DCLK2: variants seen among roughly 807,000 people sequenced by gnomAD.
DCLK2 encodes the protein doublecortin like kinase 2, also known as serine/threonine-protein kinase DCLK2.
DCLK2 carries 31 observed loss-of-function variants against 78.4 expected under a neutral mutation model. The ratio of observed to expected loss-of-function variants is 0.40; its 90% CI spans 0.30 to 0.53. The LOEUF is 0.53. Among genes scored for constraint, DCLK2 ranks in the 20% least tolerant of loss-of-function variants. The pLI is 0.61. For missense variants in DCLK2, 872 were observed against 973.7 expected (o/e 0.90, Z 1.39); for synonymous variants, 407 against 374.9 (o/e 1.09, Z -0.99).
Position 150,102,674 on chromosome 4 carries a change from G to A in DCLK2, c.618G>A (p.Val206=). Residue 206 remains valine (V), a synonymous_variant, in exon 2 of 16, where the codon GTG becomes GTA. Coordinates refer to ENST00000296550, the MANE Select transcript of DCLK2 (RefSeq NM_001040260.4). ...PKLVTVIRSG[V]KPRKAVRILL... is the part of the protein sequence containing the mutation. The stretch of plus-strand genomic sequence containing the variant: ...TAGTGACTGTGATTCGAAGTGGAGT[G>A]AAGCCTAGAAAAGCCGTGCGGATCC... The A allele has an allele frequency of 1.9e-6, 3 of 1,614,108 alleles. No homozygotes were observed. The highest frequency in any genetic ancestry group is 2.5e-6 in the Non-Finnish European group (3 of 1,180,014).
At chr4:150,149,446 A>G (rs1432957349) in intron 2 of DCLK2, among the ~76,000 whole-genome samples, 7 of 152,164 alleles carry the variant, frequency 4.6e-5, no homozygotes, top group Non-Finnish European at 8.8e-5. Context: ...AAAGTAGTCT[A>G]TGAGTCCTGG....
intron 5 of DCLK2, among the ~76,000 whole-genome samples, chr4:150,212,790 T>C (rs1347200175): frequency 6.6e-6 from 1 of 152,222 alleles, no homozygotes; most frequent in African/African-American, 2.4e-5. Flanking sequence ...AAGAATTTCA[T>C]TTGAATACAA....
At chr4:150,246,754 C>G (rs866017210) in intron 12 of DCLK2, among the ~76,000 whole-genome samples, 3 of 152,120 alleles carry the variant, frequency 2.0e-5, no homozygotes, top group Non-Finnish European at 4.4e-5. Context: ...ATTTCCATGA[C>G]ATCATTCATG....
chr4:150,104,539 G>A (rs894924081), intron 2 of DCLK2, among the ~76,000 whole-genome samples: 5 of 150,370 alleles, frequency 3.3e-5, no homozygotes, highest in African/African-American at 4.9e-5. Flanking sequence ...GTTAACTAAA[G>A]CACATGCAAC....
At chr4:150,171,369 T>TG (rs1736517949) in intron 2 of DCLK2, among the ~76,000 whole-genome samples, 2 of 152,120 alleles carry the variant, frequency 1.3e-5, no homozygotes, top group Non-Finnish European at 2.9e-5. Flanking sequence ...TAGTGCCAGC[T>TG]ACTTGGGAGG....
In DCLK2 at chr4:150,079,392, C is replaced by T. The variant is rs1451578876; in HGVS notation, c.365C>T (p.Thr122Ile). The change falls in exon 1 of 16, where the codon ACT becomes ATT. Residue 122 changes from threonine to isoleucine, a missense_variant. By Grantham distance (89) the Thr-to-Ile change is moderately conservative. Coordinates refer to ENST00000296550, the MANE Select transcript of DCLK2 (RefSeq NM_001040260.4). ...DNVNLPQGVR[T>I]IYTIDGSRKV... Reference sequence around the variant, plus strand: ...GTGAACCTGCCCCAGGGTGTCCGCACTATCTACACCATCGACGGCAGCCGG... The same window carrying T: ...GTGAACCTGCCCCAGGGTGTCCGCATTATCTACACCATCGACGGCAGCCGG... 3.2e-6 allele frequency: 5 copies of T among 1,571,696 alleles called. No individual in the cohort carries two copies. The Admixed American group carries it at 7.2e-5, about 23-fold the overall frequency.
intron 2 of DCLK2, among the ~76,000 whole-genome samples, chr4:150,141,580 G>A (rs2150213980): frequency 6.6e-6 from 1 of 152,220 alleles, no homozygotes; most frequent in Admixed American, 6.5e-5. Context: ...ACAAGACCAG[G>A]GTTCTGGGAA....
At chr4:150,166,929 G>A (rs1736131686) in intron 2 of DCLK2, among the ~76,000 whole-genome samples, 1 of 152,144 alleles carries the variant, frequency 6.6e-6, no homozygotes, top group Non-Finnish European at 1.5e-5. Context: ...AGGATAAGTG[G>A]TGGGCGGGAC....
At position 150,239,846 on chromosome 4, in the gene DCLK2, T is replaced by C. The variant is rs374427840; in HGVS notation, c.1671T>C (p.Tyr557=). 107 of 1,614,218 alleles carry C rather than the reference T, an allele frequency of 6.6e-5. No homozygotes were observed. The highest frequency in any genetic ancestry group is 4.2e-4 in the South Asian group (38 of 91,050). The change falls in exon 11 of 16, where the codon TAT becomes TAC. Residue 557 remains tyrosine (Y), a synonymous_variant. Transcript: ENST00000296550. Reference sequence around the variant, plus strand: ...ACACAGTCTGTGGCACACCCACTTATGTGGCTCCAGAAATCATTGCTGAAA... The same window carrying C: ...ACACAGTCTGTGGCACACCCACTTACGTGGCTCCAGAAATCATTGCTGAAA... ...PLYTVCGTPT[Y]VAPEIIAETG... is the part of the protein sequence containing the mutation.
At chr4:150,167,183 T>C (rs1483036672) in intron 2 of DCLK2, among the ~76,000 whole-genome samples, 2 of 152,146 alleles carry the variant, frequency 1.3e-5, no homozygotes, top group East Asian at 1.9e-4. Context: ...TCTGTTTCAA[T>C]TGGAAGGAGG....
chr4:150,147,585 G>A (rs773541241), intron 2 of DCLK2, among the ~76,000 whole-genome samples: 3 of 152,144 alleles, frequency 2.0e-5, no homozygotes, highest in Admixed American at 6.5e-5. Context: ...TGACCTAATC[G>A]TGACCACTGT....
chr4:150,243,263 C>G (rs954307243), intron 12 of DCLK2, among the ~76,000 whole-genome samples: 3 of 152,116 alleles, frequency 2.0e-5, no homozygotes, highest in Non-Finnish European at 4.4e-5. Flanking sequence ...AGCTGCTGCC[C>G]TTATATGCTG....
At chr4:150,172,808 C>CA (rs1465092791) in intron 2 of DCLK2, among the ~76,000 whole-genome samples, 1 of 141,758 alleles carries the variant, frequency 7.1e-6, no homozygotes, top group Non-Finnish European at 1.5e-5. Flanking sequence ...CCTGGCAGTA[C>CA]AAAAAATTTT....
chr4:150,242,001 C>T (rs1191288152), intron 12 of DCLK2, among the ~76,000 whole-genome samples: 1 of 152,162 alleles, frequency 6.6e-6, no homozygotes, highest in African/African-American at 2.4e-5. Context: ...TACTGGGTCA[C>T]TATGTGAAAA....
chr4:150,088,407 C>T (rs1194547782), intron 1 of DCLK2, among the ~76,000 whole-genome samples: 8 of 149,662 alleles, frequency 5.3e-5, no homozygotes, highest in Non-Finnish European at 1.2e-4. Flanking sequence ...TTTTTTTTTT[C>T]GTATATATAT....
At position 150,087,536 on chromosome 4, in the gene DCLK2, A is replaced by G. The variant is rs139273758; in HGVS notation, c.421+8088A>G. On this transcript the variant is annotated intron_variant, in intron 1 of 15. Coordinates refer to ENST00000296550, the MANE Select transcript of DCLK2 (RefSeq NM_001040260.4). Reference sequence around the variant, plus strand: ...GCAAATTTATTTAACATGCATACACAGGAGCCATCCGAATTAAGACCCAAA... The same window carrying G: ...GCAAATTTATTTAACATGCATACACGGGAGCCATCCGAATTAAGACCCAAA... Among the ~76,000 whole-genome samples the G allele has an allele frequency of 9.8e-5, 15 of 152,358 alleles. No individual in the cohort carries two copies. In the East Asian group the frequency reaches 2.9e-3, roughly 29 times the overall value.
At chr4:150,212,153 G>A (rs377034161) in intron 5 of DCLK2, among the ~76,000 whole-genome samples, 3 of 152,280 alleles carry the variant, frequency 2.0e-5, no homozygotes, top group East Asian at 3.9e-4. Flanking sequence ...CATTCTTGCC[G>A]GTTGAAAGAA....
chr4:150,097,452 C>T (rs114170355), intron 1 of DCLK2, among the ~76,000 whole-genome samples: 2 of 152,246 alleles, frequency 1.3e-5, no homozygotes, highest in Non-Finnish European at 2.9e-5. Flanking sequence ...CATGAGCTAC[C>T]GTGCCTGGCT....
chr4:150,182,958 T>C (rs1024218521), intron 2 of DCLK2, among the ~76,000 whole-genome samples: 1 of 151,446 alleles, frequency 6.6e-6, no homozygotes, highest in African/African-American at 2.4e-5. Context: ...GGGATTTTTG[T>C]TCTCTCTCTC....
Sources: allele counts gnomAD v4.1 joint callset (sites outside exome capture counted in the v4.1 genomes callset), GRCh38; gene constraint gnomAD v4.1.1; transcripts MANE v1.5; gene names NCBI Gene and HGNC (gene_info 2026-07-23, HGNC 2026-07-21).